Variants in TLCD3B observed in about 807,000 individuals in gnomAD.
TLCD3B encodes TLC domain containing 3B.
Under a neutral mutation model 23.0 loss-of-function variants are expected in TLCD3B, and 9 were observed. The ratio of observed to expected loss-of-function variants is 0.39; its 90% CI spans 0.24 to 0.68. The LOEUF (loss-of-function observed/expected upper bound fraction) is 0.68. TLCD3B is among the 30% of genes least tolerant of loss of function. TLCD3B has a pLI of 0.44. For synonymous variants in TLCD3B, 161 were observed against 161.0 expected (o/e 1.00, Z 0.00); for missense variants, 307 against 371.8 (o/e 0.83, Z 1.43).
intron 3 of TLCD3B, among the ~76,000 whole-genome samples, chr16:30,040,145 AAAATATATAT>A (rs1374300072): frequency 3.4e-5 from 3 of 89,468 alleles, no homozygotes; most frequent in African/African-American, 1.2e-4. Context: ...AAAAAAAAAA[AAAATATATAT>A]ATATATATAT....
At chr16:30,044,045 A>T (rs1349903329) in intron 2 of TLCD3B, among the ~76,000 whole-genome samples, 3 of 146,700 alleles carry the variant, frequency 2.0e-5, no homozygotes, top group African/African-American at 7.7e-5. Flanking sequence ...CTCCCAAGCT[A>T]AAGTGCAGTG....
Position 30,029,386 on chromosome 16 carries a change from C to T in TLCD3B, c.209+46G>A, listed in dbSNP as rs373811080. 38 of 1,551,714 alleles carry T rather than the reference C, an allele frequency of 2.4e-5. No homozygotes were observed. Among genetic ancestry groups the T allele is most frequent in the Middle Eastern group, 3.7e-4 (2 of 5,406 alleles). On this transcript the variant is annotated intron_variant, in intron 2 of 4. Coordinates refer to ENST00000380495, the MANE Select transcript of TLCD3B (RefSeq NM_031478.6). The surrounding 1 kb of genome is among the most constrained non-coding windows in gnomAD (Gnocchi z 4.6). Reference sequence around the variant, plus strand: ...GGGGTCTTCCGGGATTACCCGTACACGCCAACCACTGGCACCTGGGCAGGG... The same window carrying T: ...GGGGTCTTCCGGGATTACCCGTACATGCCAACCACTGGCACCTGGGCAGGG...
chr16:30,037,954 A>C (rs960896045), intron 3 of TLCD3B, among the ~76,000 whole-genome samples: 1 of 152,190 alleles, frequency 6.6e-6, no homozygotes. Flanking sequence ...CAAAACATCT[A>C]TCATGAAAAA....
chr16:30,035,853 C>G (rs535027124), upstream of TLCD3B, among the ~76,000 whole-genome samples: 1 of 151,566 alleles, frequency 6.6e-6, no homozygotes, highest in East Asian at 1.9e-4. Flanking sequence ...ACCTCCACCT[C>G]CCGGGTTCAA....
In TLCD3B at chr16:30,024,538, G is replaced by T; in HGVS notation, c.*645C>A. 2.3e-6 allele frequency: 1 copy of T among 438,472 alleles called. No individual in the cohort carries two copies. Among genetic ancestry groups the T allele is most frequent in the Non-Finnish European group, 4.1e-6 (1 of 245,074 alleles). The allele number at this position is 438,472 out of a possible 1,614,324, so 27.2% of individuals were successfully genotyped here. A position where few individuals can be genotyped will look rare whatever the true frequency, so the allele number is the denominator to read the frequency against. On this transcript the variant is annotated 3_prime_UTR_variant, in exon 5 of 5. Transcript: ENST00000380495. ...GGTCAGTAGCACCAGGGACATGGCA[G>T]GGCCCGAGGGCGCGATGTGCAGCCG... is the stretch of plus-strand genomic sequence containing the variant.
intron 3 of TLCD3B, among the ~76,000 whole-genome samples, chr16:30,040,656 T>C (rs1325036842): frequency 6.6e-6 from 1 of 151,460 alleles, no homozygotes; most frequent in Non-Finnish European, 1.5e-5. Context: ...TATTTTCTTT[T>C]TCTTTTTTTT....
intron 2 of TLCD3B, among the ~76,000 whole-genome samples, chr16:30,028,295 C>T (rs939888041): frequency 6.6e-6 from 1 of 152,170 alleles, no homozygotes; most frequent in Non-Finnish European, 1.5e-5. Context: ...GAAGTAGGAA[C>T]AGCTGCTGCC....
chr16:30,051,331 C>T (rs1413679722), intron 1 of TLCD3B, among the ~76,000 whole-genome samples: 4 of 151,668 alleles, frequency 2.6e-5, no homozygotes, highest in Non-Finnish European at 5.9e-5. Context: ...GTCGGGAGTT[C>T]GAGACCAGCC....
intron 2 of TLCD3B, among the ~76,000 whole-genome samples, chr16:30,042,777 T>C (rs1436072534): frequency 6.6e-6 from 1 of 152,080 alleles, no homozygotes; most frequent in Non-Finnish European, 1.5e-5. Flanking sequence ...TTATTGTTGT[T>C]GTTGTTTTTC....
At chr16:30,026,988 A>T (rs2071172742) in intron 2 of TLCD3B, 145 bp from the exon 3 acceptor site, 1 of 734,204 alleles carries the variant, frequency 1.4e-6, no homozygotes, top group African/African-American at 1.7e-5. Flanking sequence ...AGAGGGTGAG[A>T]AACTTGCCCA....
intron 3 of TLCD3B, among the ~76,000 whole-genome samples, chr16:30,039,991 A>G (rs4788217): frequency 0.46 from 68,865 of 151,104 alleles, 15,881 homozygotes; most frequent in African/African-American, 0.48. Context: ...AAAATTAGCC[A>G]GGTATGGTGG....
chr16:30,043,677 G>C (rs936348334), intron 2 of TLCD3B, among the ~76,000 whole-genome samples: 10 of 152,002 alleles, frequency 6.6e-5, no homozygotes, highest in Admixed American at 4.6e-4. Context: ...GTTTTGTTTT[G>C]TTTTTCACCA....
At chr16:30,032,119 C>T (rs1008402829), upstream of TLCD3B, among the ~76,000 whole-genome samples, 1 of 152,244 alleles carries the variant, frequency 6.6e-6, no homozygotes, top group African/African-American at 2.4e-5. Context: ...GAAAGGACTG[C>T]GGGGTGGGCT....
chr16:30,026,777 C>T lies in TLCD3B; in HGVS notation c.276G>A (p.Met92Ile), dbSNP rs1567297745. 6.2e-7 allele frequency: 1 copy of T among 1,614,180 alleles called. No homozygotes were observed. The highest frequency in any genetic ancestry group is 1.1e-5 in the South Asian group (1 of 91,082). Residue 92 changes from methionine (M) to isoleucine (I), a missense_variant, in exon 3 of 5, where the codon ATG becomes ATA. Coordinates refer to ENST00000380495, the MANE Select transcript of TLCD3B (RefSeq NM_031478.6). The part of the protein sequence containing the change: ...VPYFIYDIYA[M>I]FLCHWHKHQV... ...GGTGCTTGTGCCAGTGACAGAGGAA[C>T]ATGGCGTAGATGTCGTAGATGAAGT...
At position 30,029,474 on chromosome 16, in the gene TLCD3B, C is replaced by T; in HGVS notation, c.167G>A (p.Gly56Asp). The T allele has an allele frequency of 6.2e-7, 1 of 1,614,022 alleles. No individual in the cohort carries two copies. The highest frequency in any genetic ancestry group is 8.5e-7 in the Non-Finnish European group (1 of 1,179,952). Residue 56 changes from glycine to aspartate, a missense_variant, in exon 2 of 5, where the codon GGC becomes GAC. Transcript: ENST00000380495. The surrounding 1 kb of genome is among the most constrained non-coding windows in gnomAD (Gnocchi z 4.6). ...CTTGCAGGAGGTGGAGACGATGTAGCCGGCAGTGGAGGCCATGATGGCCTG... is the reference window on the plus strand; with the variant it reads ...CTTGCAGGAGGTGGAGACGATGTAGTCGGCAGTGGAGGCCATGATGGCCTG... ...SVQAIMASTA[G>D]YIVSTSCKHI...
At chr16:30,035,431 GCACAA>G (rs2071449024), upstream of TLCD3B, 1 of 1,289,488 alleles carries the variant, frequency 7.8e-7, no homozygotes, top group South Asian at 1.2e-5. Context: ...GGGCAGTGAA[GCACAA>G]CGGGAAGAAG....
At chr16:30,032,207 A>G (rs1175263141), upstream of TLCD3B, among the ~76,000 whole-genome samples, 1 of 152,160 alleles carries the variant, frequency 6.6e-6, no homozygotes, top group Non-Finnish European at 1.5e-5. Flanking sequence ...GACCTGAGCC[A>G]GAGACACTGC....
At position 30,029,248 on chromosome 16, in the gene TLCD3B, G is replaced by A. The variant is rs979065747; in HGVS notation, c.209+184C>T. The stretch of plus-strand genomic sequence containing the variant: ...TTCTCCCCCTGGTTCTGACCTTTAA[G>A]GACAGGACAGGATAAATTTATCCCT... On this transcript the variant is annotated intron_variant, in intron 2 of 4. Coordinates refer to ENST00000380495, the MANE Select transcript of TLCD3B (RefSeq NM_031478.6). The surrounding 1 kb of genome is among the most constrained non-coding windows in gnomAD (Gnocchi z 4.6). 6.6e-6 allele frequency among the ~76,000 whole-genome samples: 1 copy of A among 152,194 alleles called. No individual in the cohort carries two copies. Among genetic ancestry groups the A allele is most frequent in the African/African-American group, 2.4e-5 (1 of 41,440 alleles).
chr16:30,030,314 G>A (rs2071315652), intron 1 of TLCD3B, 89 bp downstream of exon 1: 3 of 1,347,282 alleles, frequency 2.2e-6, no homozygotes, highest in Admixed American at 2.1e-5. Flanking sequence ...GTCCCCCACC[G>A]CTGAGGGTCC....
Sources: gnomAD v4.1 joint callset for allele counts (sites outside exome capture counted in the v4.1 genomes callset) on GRCh38, gnomAD v4.1.1 for gene constraint, Gnocchi (gnomAD v3.1) non-coding constraint, MANE v1.5 for transcripts, NCBI Gene and HGNC (gene_info 2026-07-23, HGNC 2026-07-21) for gene names.